BRAF: variants seen among roughly 807,000 people sequenced by gnomAD.
BRAF encodes B-Raf proto-oncogene, serine/threonine kinase, also known as serine/threonine-protein kinase B-raf.
BRAF carries 16 observed loss-of-function variants against 104.6 expected under a neutral mutation model. The ratio of observed to expected loss-of-function variants is 0.15; its 90% CI spans 0.10 to 0.23. BRAF has a LOEUF of 0.23. BRAF is among the 10% of genes least tolerant of loss of function. BRAF has a pLI of 1.00. For missense variants in BRAF, 541 were observed against 937.3 expected, an observed-to-expected ratio of 0.58 and a Z score of 5.52; for synonymous variants, 310 against 341.6, an observed-to-expected ratio of 0.91 and a Z score of 1.02.
intron 1 of BRAF, among the ~76,000 whole-genome samples, chr7:140,888,088 T>C (rs950520534): frequency 1.3e-5 from 2 of 152,164 alleles, no homozygotes; most frequent in Non-Finnish European, 2.9e-5. Context: ...TTAGTCAGGA[T>C]GGTCTTGATC....
intron 14 of BRAF, among the ~76,000 whole-genome samples, chr7:140,765,014 A>T (rs1799165316): frequency 1.3e-5 from 2 of 152,334 alleles, no homozygotes; most frequent in South Asian, 4.2e-4. Flanking sequence ...CAAAAGCACA[A>T]AGCTGGAGGC....
chr7:140,714,956 A>G (rs1795104585), downstream of BRAF, among the ~76,000 whole-genome samples: 1 of 152,158 alleles, frequency 6.6e-6, no homozygotes, highest in South Asian at 2.1e-4. Context: ...AGCAGGAATC[A>G]AGGTCTCGCA....
chr7:140,736,041 C>A (rs1796390519), intron 18 of BRAF, among the ~76,000 whole-genome samples: 1 of 151,218 alleles, frequency 6.6e-6, no homozygotes, highest in Non-Finnish European at 1.5e-5. Context: ...CCAGGGATAA[C>A]CACTGTTAGA....
intron 1 of BRAF, among the ~76,000 whole-genome samples, chr7:140,900,973 G>A (rs890551772): frequency 6.6e-6 from 1 of 152,084 alleles, no homozygotes; most frequent in African/African-American, 2.4e-5. Flanking sequence ...CCATGCCTGT[G>A]AGACCCTCAA....
At chr7:140,719,032 T>A (rs1795202778), downstream of BRAF, among the ~76,000 whole-genome samples, 1 of 152,176 alleles carries the variant, frequency 6.6e-6, no homozygotes, top group South Asian at 2.1e-4. Flanking sequence ...CTGAACCACA[T>A]GGAGGAAAGC....
rs563601621 is a variant in BRAF, at chr7:140,864,960, T to C, written c.139-14748A>G. 2.6e-5 allele frequency among the ~76,000 whole-genome samples: 4 copies of C among 152,348 alleles called. No homozygotes were observed. The East Asian group carries it at 7.7e-4, about 29-fold the overall frequency. On this transcript the variant is annotated intron_variant, in intron 1 of 19. Transcript: ENST00000644969. ...AACAAGAGGACCAATGCAGACAAGT[T>C]TGTAGAATTGGTGGTGAAAAGATGA... is the stretch of plus-strand genomic sequence containing the variant.
chr7:140,795,091 T>C (rs1802372458), intron 7 of BRAF, among the ~76,000 whole-genome samples: 1 of 152,190 alleles, frequency 6.6e-6, no homozygotes, highest in Non-Finnish European at 1.5e-5. Context: ...GAATCATATA[T>C]TAACCACTAA....
intron 14 of BRAF, among the ~76,000 whole-genome samples, chr7:140,763,809 C>T (rs1434084366): frequency 2.6e-5 from 4 of 152,164 alleles, no homozygotes; most frequent in African/African-American, 9.7e-5. Flanking sequence ...TAATCAATAG[C>T]TTACCAACCA....
chr7:140,922,988 T>G (rs954474854), intron 1 of BRAF, among the ~76,000 whole-genome samples: 2 of 152,042 alleles, frequency 1.3e-5, no homozygotes, highest in African/African-American at 2.4e-5. Flanking sequence ...GAGAGGAAAC[T>G]GATCTAAGCA....
chr7:140,800,095 G>T, intron 7 of BRAF: 2 of 497,202 alleles, frequency 4.0e-6, no homozygotes, highest in South Asian at 4.4e-5. Context: ...AAAGAAAGCA[G>T]TTCAAGAAGC....
At chr7:140,716,735 C>T (rs1365288417), downstream of BRAF, among the ~76,000 whole-genome samples, 1 of 152,134 alleles carries the variant, frequency 6.6e-6, no homozygotes, top group African/African-American at 2.4e-5. Context: ...TCCTAGGGAA[C>T]CTTAATGTAA....
At chr7:140,922,559 A>T (rs1005729670) in intron 1 of BRAF, among the ~76,000 whole-genome samples, 1 of 152,244 alleles carries the variant, frequency 6.6e-6, no homozygotes. Flanking sequence ...CCTACTTATT[A>T]CTTCACTCAT....
chr7:140,731,967 C>T (rs954184886), intron 19 of BRAF: 5 of 150,482 alleles, frequency 3.3e-5, no homozygotes, highest in East Asian at 2.0e-4. Flanking sequence ...GTCAGGAGAT[C>T]GAGACCATCC....
At chr7:140,742,792 A>C (rs1457115438) in intron 17 of BRAF, among the ~76,000 whole-genome samples, 1 of 152,176 alleles carries the variant, frequency 6.6e-6, no homozygotes, top group Non-Finnish European at 1.5e-5. Context: ...GGCAACCTAC[A>C]AAATGGGAGA....
At chr7:140,743,209 C>A (rs995654327) in intron 17 of BRAF, among the ~76,000 whole-genome samples, 7 of 151,282 alleles carry the variant, frequency 4.6e-5, no homozygotes, top group African/African-American at 1.5e-4. Context: ...TTGACCCAGC[C>A]ATCCCATTAC....
intron 1 of BRAF, among the ~76,000 whole-genome samples, chr7:140,859,051 A>T (rs560354884): frequency 3.3e-5 from 5 of 152,202 alleles, no homozygotes; most frequent in Non-Finnish European, 7.3e-5. Flanking sequence ...GCCAGAGCCA[A>T]TTAAAAAAAG....
At position 140,734,626 on chromosome 7, in the gene BRAF, C is replaced by T. The variant is rs1348001321; in HGVS notation, c.2392G>A (p.Gly798Arg). 1 of 1,613,638 alleles carries T rather than the reference C, an allele frequency of 6.2e-7. No homozygotes were observed. Among genetic ancestry groups the T allele is most frequent in the African/African-American group, 1.3e-5 (1 of 74,786 alleles). The change falls in exon 19 of 20, where the codon GGG becomes AGG. Residue 798 changes from glycine (G) to arginine (R), a missense_variant. Physicochemically the swap from Gly to Arg is moderately radical, Grantham distance 125 (BLOSUM62 -2). Coordinates refer to ENST00000644969, the MANE Select transcript of BRAF (RefSeq NM_001374258.1). ...TGGACAGGAAACGCACCATATCCCC[C>T]TGCCTGGATGGGTGTTTTTGGAGAA... is the stretch of plus-strand genomic sequence containing the variant. ...CASPKTPIQAGGYGEFAAFK is the reference protein window; with the variant it reads ...CASPKTPIQARGYGEFAAFK
intron 1 of BRAF, among the ~76,000 whole-genome samples, chr7:140,880,736 A>G (rs1051258934): frequency 3.3e-5 from 5 of 152,012 alleles, no homozygotes; most frequent in Non-Finnish European, 7.4e-5. Context: ...AACATTACTG[A>G]GGCAAGAGGA....
At chr7:140,920,981 T>C (rs1818158610) in intron 1 of BRAF, among the ~76,000 whole-genome samples, 1 of 152,214 alleles carries the variant, frequency 6.6e-6, no homozygotes, top group Admixed American at 6.5e-5. Flanking sequence ...CAAAGATGTA[T>C]TTTAATACAG....
Sources: allele counts gnomAD v4.1 joint callset (sites outside exome capture counted in the v4.1 genomes callset), GRCh38; gene constraint gnomAD v4.1.1; transcripts MANE v1.5; gene names NCBI Gene and HGNC (gene_info 2026-07-23, HGNC 2026-07-21).